The following RSPH14 variants were observed in gnomAD, a reference collection of about 807,000 sequenced individuals.
RSPH14 encodes the protein rhabdoid tumor deletion region gene 1.
A neutral mutation model predicts 26.7 loss-of-function variants in RSPH14; 20 were observed. The ratio of observed to expected loss-of-function variants is 0.75; its 90% CI spans 0.53 to 1.09. RSPH14 has a LOEUF of 1.09. RSPH14 is among the 50% of genes least tolerant of loss of function. The pLI is 0.00. For missense variants in RSPH14, 449 were observed against 457.2 expected (o/e 0.98, Z 0.16); for synonymous variants, 177 against 189.3 (o/e 0.93, Z 0.53).
intron 4 of RSPH14, among the ~76,000 whole-genome samples, chr22:23,130,089 A>AAG (rs1280533075): frequency 6.3e-4 from 12 of 19,128 alleles, no homozygotes; most frequent in African/African-American, 1.1e-3. Context: ...GAAAGGAAGA[A>AAG]AGAAAGAAAG....
intron 4 of RSPH14, among the ~76,000 whole-genome samples, chr22:23,087,905 C>T (rs2068861527): frequency 6.6e-6 from 1 of 152,222 alleles, no homozygotes; most frequent in Non-Finnish European, 1.5e-5. Flanking sequence ...CCTTCAGCTG[C>T]ATGACTCCTA....
chr22:23,113,551 C>T (rs1490725527), intron 4 of RSPH14, among the ~76,000 whole-genome samples: 4 of 152,336 alleles, frequency 2.6e-5, no homozygotes, highest in Middle Eastern at 3.4e-3. Context: ...GGGTTGCAAG[C>T]GAATAAGCTA....
chr22:23,110,019 CGGGA>C (rs761002388), intron 4 of RSPH14, among the ~76,000 whole-genome samples: 1 of 152,164 alleles, frequency 6.6e-6, no homozygotes, highest in Non-Finnish European at 1.5e-5. Context: ...TTGAGGTTTG[CGGGA>C]GGAAGAGGGA....
At chr22:23,176,886 A>C in the RSPH14 span, among the ~76,000 whole-genome samples, 1 of 152,334 alleles carries the variant, frequency 6.6e-6, no homozygotes, top group East Asian at 1.9e-4. Flanking sequence ...ACTAACACGA[A>C]ACCAAACATT....
chr22:23,159,301 G>C, the RSPH14 span: 5 of 1,518,466 alleles, frequency 3.3e-6, no homozygotes. Context: ...CCCTGCTCTT[G>C]GGCCAGTCCT....
intron 4 of RSPH14, among the ~76,000 whole-genome samples, chr22:23,105,635 C>T (rs1369473560): frequency 6.6e-6 from 1 of 152,222 alleles, no homozygotes; most frequent in Non-Finnish European, 1.5e-5. Context: ...AGGGGTTTCT[C>T]ACACTGTGCT....
intron 4 of RSPH14, 21 bp from the exon 5 acceptor site, chr22:23,064,154 C>T (rs1487304682): frequency 6.2e-7 from 1 of 1,611,480 alleles, no homozygotes; most frequent in Non-Finnish European, 8.5e-7. Context: ...GGAAAGGGCA[C>T]TGAGGGCGGG....
upstream of RSPH14, chr22:23,146,029 A>G (rs2070751613): frequency 1.0e-6 from 1 of 984,566 alleles, no homozygotes; most frequent in Non-Finnish European, 1.2e-6. Context: ...CAGCCCAGTA[A>G]GGTAAGCTCA....
At chr22:23,127,240 GACCTCACCCTGGATGAGCTC>G (rs1047862206) in intron 4 of RSPH14, among the ~76,000 whole-genome samples, 2 of 152,164 alleles carry the variant, frequency 1.3e-5, no homozygotes, top group Admixed American at 1.3e-4. Flanking sequence ...ACTGAGGCTG[GACCTCACCCTGGATGAGCTC>G]ACCTCACCCA....
In RSPH14 at chr22:23,140,466, C is replaced by A. The variant is rs1016299070; in HGVS notation, c.-46G>T. 1 of 1,602,958 alleles carries A rather than the reference C, an allele frequency of 6.2e-7. No homozygotes were observed. ...CTTTCCAAATGAAGCTCTGCAGAAA[C>A]CACTCACTAAAAGAGACCAAAAAGC... is the stretch of plus-strand genomic sequence containing the variant. On this transcript the variant is annotated 5_prime_UTR_variant, in exon 2 of 7. Transcript: ENST00000216036.
chr22:23,142,157 A>C, upstream of RSPH14: 1 of 376,068 alleles, frequency 2.7e-6, no homozygotes, highest in Non-Finnish European at 3.7e-6. Context: ...GTGGAGACCA[A>C]AGGCAGCTCA....
chr22:23,089,918 C>T (rs757131034), intron 4 of RSPH14, among the ~76,000 whole-genome samples: 1 of 152,162 alleles, frequency 6.6e-6, no homozygotes, highest in Non-Finnish European at 1.5e-5. Flanking sequence ...CAGGCAGGTG[C>T]AGACTCTGGC....
intron 4 of RSPH14, among the ~76,000 whole-genome samples, chr22:23,078,432 G>T (rs1465829498): frequency 6.6e-6 from 1 of 152,160 alleles, no homozygotes; most frequent in African/African-American, 2.4e-5. Flanking sequence ...GGCTGCCCTT[G>T]TCCCCCCAAC....
chr22:23,124,219 T>G (rs950318653), intron 4 of RSPH14: 3 of 164,538 alleles, frequency 1.8e-5, no homozygotes, highest in South Asian at 2.9e-4. Context: ...TTTTGGTTTT[T>G]TTTTTTTTTT....
upstream of RSPH14, chr22:23,149,919 A>G (rs2071004805): frequency 7.3e-6 from 5 of 681,746 alleles, no homozygotes; most frequent in Admixed American, 2.1e-5. Context: ...ACACATGACA[A>G]ATGGGTCAGG....
intron 4 of RSPH14, among the ~76,000 whole-genome samples, chr22:23,099,166 C>T (rs537435341): frequency 7.2e-5 from 11 of 152,372 alleles, no homozygotes; most frequent in Admixed American, 7.2e-4. Context: ...CACCCGCTGG[C>T]TTCTGCGTCA....
intron 4 of RSPH14, among the ~76,000 whole-genome samples, chr22:23,106,829 TG>T (rs1360149126): frequency 6.6e-6 from 1 of 152,152 alleles, no homozygotes; most frequent in Non-Finnish European, 1.5e-5. Flanking sequence ...TGTGGCAAAG[TG>T]GGGGCCTTCT....
At chr22:23,145,548 G>T, upstream of RSPH14, 4 of 1,600,314 alleles carry the variant, frequency 2.5e-6, no homozygotes, top group Non-Finnish European at 1.7e-6. Flanking sequence ...CACAGCCATC[G>T]CTGGTGAGTC....
intron 4 of RSPH14, among the ~76,000 whole-genome samples, chr22:23,113,311 C>T (rs984958633): frequency 1.3e-5 from 2 of 152,254 alleles, no homozygotes; most frequent in Non-Finnish European, 2.9e-5. Context: ...CCGGCTCCCA[C>T]CCCAGCACTC....
Sources: allele counts gnomAD v4.1 joint callset (sites outside exome capture counted in the v4.1 genomes callset), GRCh38; gene constraint gnomAD v4.1.1; transcripts MANE v1.5; gene names NCBI Gene and HGNC (gene_info 2026-07-23, HGNC 2026-07-21).